Variants in GABRB3 observed in about 807,000 individuals in gnomAD.
GABRB3 encodes gamma-aminobutyric acid type A receptor subunit beta3.
A neutral mutation model predicts 52.1 loss-of-function variants in GABRB3; 14 were observed. The ratio of observed to expected loss-of-function variants is 0.27; its 90% CI spans 0.18 to 0.42. The LOEUF is 0.42. GABRB3 is among the 10% of genes least tolerant of loss of function. The pLI is 1.00. For synonymous variants in GABRB3, 260 were observed against 232.3 expected (o/e 1.12, Z -1.08); for missense variants, 307 against 609.1 (o/e 0.50, Z 5.22).
intron 8 of GABRB3, among the ~76,000 whole-genome samples, chr15:26,559,445 G>A (rs893420401): frequency 1.3e-5 from 2 of 151,874 alleles, no homozygotes; most frequent in Non-Finnish European, 2.9e-5. Context: ...AAATTTCCCA[G>A]TCTCAGGTAT....
At chr15:26,720,618 C>A (rs910283423) in intron 3 of GABRB3, among the ~76,000 whole-genome samples, 1 of 152,194 alleles carries the variant, frequency 6.6e-6, no homozygotes, top group Admixed American at 6.5e-5. Context: ...ACCACAAATA[C>A]CTTCTCTTAG....
At chr15:26,624,382 A>G (rs1438006125) in intron 3 of GABRB3, 1 of 985,468 alleles carries the variant, frequency 1.0e-6, no homozygotes, top group Non-Finnish European at 1.2e-6. Flanking sequence ...CTAACCCCGC[A>G]TGCTTACGCC....
At chr15:26,667,873 T>C (rs565127678) in intron 3 of GABRB3, among the ~76,000 whole-genome samples, 14 of 152,256 alleles carry the variant, frequency 9.2e-5, no homozygotes, top group East Asian at 7.7e-4. Context: ...GCAAATCCCG[T>C]ATGAAGTAGG....
intron 3 of GABRB3, among the ~76,000 whole-genome samples, chr15:26,712,207 T>A (rs538920363): frequency 2.2e-4 from 33 of 150,926 alleles, no homozygotes; most frequent in East Asian, 1.4e-3. Flanking sequence ...ACAGACAGCA[T>A]CTCATTATGT....
At chr15:26,642,233 C>A (rs1303384603) in intron 3 of GABRB3, among the ~76,000 whole-genome samples, 3 of 152,048 alleles carry the variant, frequency 2.0e-5, no homozygotes. Flanking sequence ...CCTCCATATC[C>A]ACCGGTTCTG....
intron 3 of GABRB3, among the ~76,000 whole-genome samples, chr15:26,669,804 T>G (rs1887831467): frequency 6.6e-6 from 1 of 152,198 alleles, no homozygotes; most frequent in African/African-American, 2.4e-5. Context: ...ACCCACTCCC[T>G]GTAAGAGCTC....
At chr15:26,611,956 A>T (rs1251991687) in intron 4 of GABRB3, 1 of 152,200 alleles carries the variant, frequency 6.6e-6, no homozygotes, top group African/African-American at 2.4e-5. Context: ...TTTATTTCAC[A>T]CTGTACTTGC....
upstream of GABRB3, chr15:26,773,573 C>T: frequency 7.8e-7 from 1 of 1,285,772 alleles, no homozygotes; most frequent in Non-Finnish European, 1.1e-6. Flanking sequence ...GGGTGCCGCG[C>T]CTCTGCCCGC....
At chr15:26,651,706 T>C (rs1237205768) in intron 3 of GABRB3, among the ~76,000 whole-genome samples, 1 of 152,164 alleles carries the variant, frequency 6.6e-6, no homozygotes, top group Non-Finnish European at 1.5e-5. Context: ...AACCATAACA[T>C]CTCATTTTGA....
At chr15:26,701,967 T>C (rs923445560) in intron 3 of GABRB3, among the ~76,000 whole-genome samples, 3 of 152,140 alleles carry the variant, frequency 2.0e-5, no homozygotes, top group Non-Finnish European at 4.4e-5. Flanking sequence ...GGTAGTTAGT[T>C]CAATGAAAAA....
intron 4 of GABRB3, chr15:26,613,279 T>C (rs1160798135): frequency 6.6e-6 from 1 of 151,920 alleles, no homozygotes; most frequent in African/African-American, 2.4e-5. Context: ...GACATGGTAG[T>C]GCACACCTGT....
intron 4 of GABRB3, chr15:26,615,728 G>C (rs1305104701): frequency 9.1e-7 from 1 of 1,099,048 alleles, no homozygotes; most frequent in Non-Finnish European, 1.1e-6. Flanking sequence ...ATAATGGCTG[G>C]GCATGAATAA....
Position 26,764,843 on chromosome 15 carries a change from T to C in GABRB3, c.240+7559A>G, listed in dbSNP as rs115824813. Among the ~76,000 whole-genome samples, 591 of 152,158 alleles carry C rather than the reference T, an allele frequency of 3.9e-3. 3 individuals are homozygous for C. The highest frequency in any genetic ancestry group is 0.013 in the African/African-American group (545 of 41,512). On this transcript the variant is annotated intron_variant, in intron 3 of 8. Coordinates refer to ENST00000311550, the MANE Select transcript of GABRB3 (RefSeq NM_000814.6). ...CCAAAGAATCCCTGTATAAAAAGAA[T>C]GTCAAGGCCAGGCACGGTGGCTCAC... is the stretch of plus-strand genomic sequence containing the variant.
At chr15:26,694,972 G>A (rs1389954417) in intron 3 of GABRB3, among the ~76,000 whole-genome samples, 4 of 152,028 alleles carry the variant, frequency 2.6e-5, no homozygotes, top group East Asian at 3.9e-4. Flanking sequence ...AAGAATCAGC[G>A]AGCTCACAAA....
At chr15:26,573,844 G>A (rs1890499753) in intron 6 of GABRB3, among the ~76,000 whole-genome samples, 1 of 152,088 alleles carries the variant, frequency 6.6e-6, no homozygotes, top group Non-Finnish European at 1.5e-5. Flanking sequence ...GAACCCAGGA[G>A]TTCAAGACCA....
intron 3 of GABRB3, among the ~76,000 whole-genome samples, chr15:26,703,028 A>G (rs2140683661): frequency 6.6e-6 from 1 of 152,294 alleles, no homozygotes; most frequent in South Asian, 2.1e-4. Flanking sequence ...GGAAGAAGCA[A>G]GAAATCTTTC....
chr15:26,733,069 T>G (rs1051872225), intron 3 of GABRB3, among the ~76,000 whole-genome samples: 2 of 152,014 alleles, frequency 1.3e-5, no homozygotes, highest in Non-Finnish European at 2.9e-5. Flanking sequence ...AAAAACTGAA[T>G]TTTTCTTCTA....
rs868760253 is a variant in GABRB3, at chr15:26,743,218, G to A, written c.240+29184C>T. On this transcript the variant is annotated intron_variant, in intron 3 of 8. Coordinates refer to ENST00000311550, the MANE Select transcript of GABRB3 (RefSeq NM_000814.6). ...GCTGGGATTACAGGTGTGAGCCACCGCGCCCAGCTGGAGTTTGTTTTCTCC... is the reference window on the plus strand; with the variant it reads ...GCTGGGATTACAGGTGTGAGCCACCACGCCCAGCTGGAGTTTGTTTTCTCC... Among the ~76,000 whole-genome samples the A allele has an allele frequency of 5.9e-5, 9 of 152,100 alleles. No homozygotes were observed. In the East Asian group the frequency reaches 7.7e-4, roughly 13 times the overall value.
chr15:26,742,900 C>CCTTATCAT (rs1890245938), intron 3 of GABRB3, among the ~76,000 whole-genome samples: 1 of 148,618 alleles, frequency 6.7e-6, no homozygotes, highest in Non-Finnish European at 1.5e-5. Context: ...AGCCTCCTCA[C>CCTTATCAT]CTTATCATTA....
Sources: gnomAD v4.1 joint callset for allele counts (sites outside exome capture counted in the v4.1 genomes callset) on GRCh38, gnomAD v4.1.1 for gene constraint, MANE v1.5 for transcripts, NCBI Gene and HGNC (gene_info 2026-07-23, HGNC 2026-07-21) for gene names.